Variants in CALN1 observed in about 807,000 individuals in gnomAD.
CALN1 encodes calneuron 1.
CALN1 carries 17 observed loss-of-function variants against 30.6 expected under a neutral mutation model. The ratio of observed to expected loss-of-function variants is 0.56; its 90% confidence interval spans 0.38 to 0.83. The LOEUF (loss-of-function observed/expected upper bound fraction) is 0.83. Ranked by LOEUF, CALN1 falls within the 40% of genes least tolerant of loss-of-function variation. The probability of loss-of-function intolerance (pLI) is 0.00; values close to 1 mark genes in which losing one functional copy is unlikely to be tolerated. For missense variants in CALN1, 291 were observed against 354.9 expected (o/e 0.82, Z 1.45); for synonymous variants, 156 against 131.4 (o/e 1.19, Z -1.28).
chr7:72,495,434 C>T, the CALN1 span, among the ~76,000 whole-genome samples: 1 of 152,160 alleles, frequency 6.6e-6, no homozygotes, highest in South Asian at 2.1e-4. Flanking sequence ...TTGATTGAGA[C>T]CTACTCTGCA....
At chr7:72,293,832 C>T (rs1334549288) in intron 2 of CALN1, among the ~76,000 whole-genome samples, 1 of 152,150 alleles carries the variant, frequency 6.6e-6, no homozygotes, top group African/African-American at 2.4e-5. Flanking sequence ...CACGGTGGCT[C>T]ACACCTGTAA....
rs991682722 is a variant in CALN1 at position 71,783,248 on chromosome 7, G to T, written c.*4527C>A. 1 of 152,102 alleles carries T rather than the reference G, an allele frequency of 6.6e-6. No homozygotes were observed. The highest frequency in any genetic ancestry group is 2.4e-5 in the African/African-American group (1 of 41,408). The allele number at this position is 152,102 out of a possible 1,614,324, so 9.4% of individuals were successfully genotyped here. A position where few individuals can be genotyped will look rare whatever the true frequency, so the allele number is the denominator to read the frequency against. Reference sequence around the variant, plus strand: ...GTTCTTCAGGGGTTGCAGCTCTGCAGACCTCCTGGTTATACAACCAGGATG... The same window carrying T: ...GTTCTTCAGGGGTTGCAGCTCTGCATACCTCCTGGTTATACAACCAGGATG... On this transcript the variant is annotated 3_prime_UTR_variant, in exon 7 of 7. Transcript: ENST00000395275.
At chr7:72,016,920 A>C (rs2129529718) in intron 5 of CALN1, among the ~76,000 whole-genome samples, 1 of 133,670 alleles carries the variant, frequency 7.5e-6, no homozygotes, top group Non-Finnish European at 1.7e-5. Context: ...TGGGAGGCCA[A>C]GGTGAGTGGA....
At chr7:72,039,651 C>T (rs540101783) in intron 4 of CALN1, among the ~76,000 whole-genome samples, 5 of 152,216 alleles carry the variant, frequency 3.3e-5, no homozygotes, top group Middle Eastern at 3.2e-3. Context: ...ATTGAGTCCA[C>T]CTCCTTCCCC....
chr7:72,297,608 C>T (rs1397458187), intron 2 of CALN1, among the ~76,000 whole-genome samples: 2 of 152,128 alleles, frequency 1.3e-5, no homozygotes, highest in African/African-American at 4.8e-5. Flanking sequence ...TGACATAACA[C>T]TTTGTTATAC....
chr7:72,353,505 G>C (rs958363088), intron 2 of CALN1, among the ~76,000 whole-genome samples: 3 of 152,034 alleles, frequency 2.0e-5, no homozygotes, highest in African/African-American at 4.8e-5. Flanking sequence ...TTCATGAAGA[G>C]TGTTTGGCAA....
chr7:72,380,350 G>A (rs1804812082), intron 2 of CALN1, among the ~76,000 whole-genome samples: 1 of 152,172 alleles, frequency 6.6e-6, no homozygotes, highest in African/African-American at 2.4e-5. Flanking sequence ...AAGAAACAGA[G>A]GTAGGCTGGG....
rs1386935108 is a variant in CALN1, at chr7:72,243,923, C to A, written c.244+34763G>T. 2.0e-5 allele frequency among the ~76,000 whole-genome samples: 3 copies of A among 152,138 alleles called. No individual in the cohort carries two copies. In the East Asian group the frequency reaches 5.8e-4, roughly 29 times the overall value. On this transcript the variant is annotated intron_variant, in intron 3 of 6. Transcript: ENST00000395275. ...CTTCTTTTTAGTTTTTATTTGCTAG[C>A]TCAAGGTCACCATGAATGCCGACTG... is the stretch of plus-strand genomic sequence containing the variant.
intron 3 of CALN1, among the ~76,000 whole-genome samples, chr7:72,267,400 A>G (rs948425105): frequency 6.6e-6 from 1 of 152,192 alleles, no homozygotes. Context: ...CTCTCCTCTC[A>G]GTAAGGAGCA....
In CALN1 at chr7:72,406,146, A is replaced by T. The variant is rs181589386; in HGVS notation, c.-73-2704T>A. Among the ~76,000 whole-genome samples, 261 of 152,340 alleles carry T rather than the reference A, an allele frequency of 1.7e-3. 1 individual carries two copies. Among genetic ancestry groups the T allele is most frequent in the Middle Eastern group, 6.8e-3 (2 of 294 alleles). ...GACCCAAAATGGAGCTGGCTCCCAT[A>T]GCCAGAAGCCGTCTCTCCAGAATTC... On this transcript the variant is annotated intron_variant, in intron 1 of 6. Coordinates refer to ENST00000395275, the MANE Select transcript of CALN1 (RefSeq NM_031468.4).
chr7:71,927,570 T>C (rs1795333005), intron 5 of CALN1, among the ~76,000 whole-genome samples: 1 of 152,170 alleles, frequency 6.6e-6, no homozygotes, highest in African/African-American at 2.4e-5. Flanking sequence ...GTAAGCTGTT[T>C]CTAATATTCC....
At chr7:71,976,327 C>CCTT (rs1798101685) in intron 5 of CALN1, among the ~76,000 whole-genome samples, 1 of 152,140 alleles carries the variant, frequency 6.6e-6, no homozygotes, top group Non-Finnish European at 1.5e-5. Flanking sequence ...CTGGACGTGA[C>CCTT]CTTCCAGGGA....
intron 1 of CALN1, among the ~76,000 whole-genome samples, chr7:72,439,266 A>G (rs1240785908): frequency 2.0e-5 from 3 of 152,170 alleles, no homozygotes. Context: ...CCCTGAGCTC[A>G]TGCAATCCTC....
At chr7:72,068,654 A>G (rs1335705840) in intron 4 of CALN1, among the ~76,000 whole-genome samples, 2 of 152,100 alleles carry the variant, frequency 1.3e-5, no homozygotes, top group Admixed American at 1.3e-4. Flanking sequence ...TGCCCAGCTA[A>G]TTTTTAAATT....
intron 5 of CALN1, among the ~76,000 whole-genome samples, chr7:71,970,053 G>A (rs191381244): frequency 4.2e-4 from 64 of 152,070 alleles, no homozygotes; most frequent in Non-Finnish European, 7.9e-4. Flanking sequence ...TCAAACTCTT[G>A]GACTCAACTG....
Position 72,254,484 on chromosome 7 carries a change from G to C in CALN1, c.244+24202C>G, listed in dbSNP as rs539942535. Among the ~76,000 whole-genome samples, 3 of 152,240 alleles carry C rather than the reference G, an allele frequency of 2.0e-5. No individual in the cohort carries two copies. In the South Asian group the frequency reaches 6.2e-4, roughly 32 times the overall value. The stretch of plus-strand genomic sequence containing the variant: ...CACTCATCAGCCTCCCAAGTGACTT[G>C]TAGCTATCTCGAGCACACACACAGA... On this transcript the variant is annotated intron_variant, in intron 3 of 6. Transcript: ENST00000395275.
intron 3 of CALN1, among the ~76,000 whole-genome samples, chr7:72,236,317 A>C (rs1430828587): frequency 2.0e-5 from 3 of 152,182 alleles, no homozygotes; most frequent in Non-Finnish European, 4.4e-5. Flanking sequence ...AAGAGAACAT[A>C]TAAAATACTC....
At chr7:72,497,874 A>G in the CALN1 span, among the ~76,000 whole-genome samples, 5 of 152,246 alleles carry the variant, frequency 3.3e-5, no homozygotes, top group East Asian at 7.7e-4. Flanking sequence ...GTTGGTATTG[A>G]GAAAAGGACT....
At chr7:72,293,421 A>G (rs1798629195) in intron 2 of CALN1, among the ~76,000 whole-genome samples, 1 of 152,216 alleles carries the variant, frequency 6.6e-6, no homozygotes. Flanking sequence ...CCACTGCTGG[A>G]GACAATTATC....
Sources: gnomAD v4.1 joint callset for allele counts (sites outside exome capture counted in the v4.1 genomes callset) on GRCh38, gnomAD v4.1.1 for gene constraint, MANE v1.5 for transcripts, NCBI Gene and HGNC (gene_info 2026-07-23, HGNC 2026-07-21) for gene names.